STK32B: variants seen among roughly 807,000 people sequenced by gnomAD.
The protein encoded by STK32B is serine/threonine kinase 32B, also known as serine/threonine-protein kinase 32B.
Under a neutral mutation model 52.6 loss-of-function variants are expected in STK32B, and 43 were observed. The ratio of observed to expected loss-of-function variants is 0.82; its 90% CI spans 0.64 to 1.05. The LOEUF (loss-of-function observed/expected upper bound fraction) is 1.05. Among genes scored for constraint, STK32B ranks in the 50% least tolerant of loss-of-function variants. STK32B has a pLI of 0.00. For synonymous variants in STK32B, 238 were observed against 204.3 expected, an observed-to-expected ratio of 1.17 and a Z score of -1.41; for missense variants, 621 against 534.6, an observed-to-expected ratio of 1.16 and a Z score of -1.59.
intron 3 of STK32B, among the ~76,000 whole-genome samples, chr4:5,221,239 T>G (rs1379297654): frequency 6.6e-6 from 1 of 152,186 alleles, no homozygotes; most frequent in Admixed American, 6.5e-5. Flanking sequence ...ATAGGTGGCA[T>G]CTCTACCTTC....
At chr4:5,364,559 G>A (rs1035878367) in intron 4 of STK32B, among the ~76,000 whole-genome samples, 2 of 152,074 alleles carry the variant, frequency 1.3e-5, no homozygotes, top group Non-Finnish European at 2.9e-5. Flanking sequence ...TTTTTGAGTC[G>A]CACAACTAGC....
intron 4 of STK32B, among the ~76,000 whole-genome samples, chr4:5,334,641 G>A (rs867307928): frequency 1.8e-3 from 276 of 151,674 alleles, no homozygotes; most frequent in African/African-American, 6.1e-3. Flanking sequence ...ATTATTTTGA[G>A]ATATGTCCCA....
At chr4:5,187,087 C>T (rs1024370831) in intron 3 of STK32B, among the ~76,000 whole-genome samples, 1 of 152,178 alleles carries the variant, frequency 6.6e-6, no homozygotes, top group Non-Finnish European at 1.5e-5. Context: ...TGTGGTGTGT[C>T]AGGCAGTTCC....
intron 11 of STK32B, among the ~76,000 whole-genome samples, chr4:5,471,569 C>T (rs1341998086): frequency 6.6e-6 from 1 of 152,110 alleles, no homozygotes; most frequent in East Asian, 1.9e-4. Flanking sequence ...TTGTTTAAAG[C>T]CACCCAGTTG....
At chr4:5,219,316 G>A (rs1355401700) in intron 3 of STK32B, among the ~76,000 whole-genome samples, 2 of 152,192 alleles carry the variant, frequency 1.3e-5, no homozygotes, top group African/African-American at 2.4e-5. Flanking sequence ...TGTGGAATTG[G>A]GACCTTCCAA....
chr4:5,369,927 G>T (rs1735119967), intron 4 of STK32B, among the ~76,000 whole-genome samples: 1 of 151,982 alleles, frequency 6.6e-6, no homozygotes, highest in Admixed American at 6.6e-5. Context: ...CCAGGCTGGA[G>T]TGCAGTGGCA....
intron 3 of STK32B, among the ~76,000 whole-genome samples, chr4:5,177,499 C>A (rs905146997): frequency 6.6e-6 from 1 of 152,134 alleles, no homozygotes; most frequent in Admixed American, 6.5e-5. Context: ...CCTCCCAGAT[C>A]TCATGTCCTC....
At chr4:5,032,499 A>AAAG in the STK32B span, among the ~76,000 whole-genome samples, 85 of 150,024 alleles carry the variant, frequency 5.7e-4, no homozygotes, top group African/African-American at 1.8e-3. Flanking sequence ...AAAAAAAAAA[A>AAAG]AAGAAGAAAG....
intron 11 of STK32B, among the ~76,000 whole-genome samples, chr4:5,491,036 G>A (rs1208915405): frequency 2.6e-5 from 4 of 152,302 alleles, no homozygotes; most frequent in South Asian, 4.1e-4. Context: ...ATAAACAGAC[G>A]TGTGCATGTG....
chr4:5,248,204 A>C (rs895946729), intron 3 of STK32B, among the ~76,000 whole-genome samples: 1 of 152,198 alleles, frequency 6.6e-6, no homozygotes, highest in Middle Eastern at 3.2e-3. Flanking sequence ...TCAGTATAAC[A>C]CAGTTGTGAG....
At chr4:5,492,540 C>G (rs1286568568) in intron 11 of STK32B, among the ~76,000 whole-genome samples, 1 of 151,658 alleles carries the variant, frequency 6.6e-6, no homozygotes, top group Non-Finnish European at 1.5e-5. Context: ...ATTTGACTTC[C>G]TCTTTTCCTA....
chr4:5,085,653 C>T (rs897167397), intron 1 of STK32B, among the ~76,000 whole-genome samples: 2 of 152,128 alleles, frequency 1.3e-5, no homozygotes, highest in Non-Finnish European at 2.9e-5. Flanking sequence ...TTCATAAAAG[C>T]AATAAAAAAG....
At chr4:5,319,200 C>T (rs370567305) in intron 3 of STK32B, among the ~76,000 whole-genome samples, 15 of 152,154 alleles carry the variant, frequency 9.9e-5, no homozygotes, top group African/African-American at 2.2e-4. Context: ...AACACCAGGA[C>T]GTAAACACCA....
intron 4 of STK32B, among the ~76,000 whole-genome samples, chr4:5,361,573 C>T (rs1026179978): frequency 2.6e-5 from 4 of 152,154 alleles, no homozygotes; most frequent in African/African-American, 9.7e-5. Context: ...CTATGTTGCC[C>T]AGGCTGGTCT....
At chr4:5,113,437 A>C (rs1217375176) in intron 1 of STK32B, among the ~76,000 whole-genome samples, 1 of 152,182 alleles carries the variant, frequency 6.6e-6, no homozygotes, top group Non-Finnish European at 1.5e-5. Context: ...TGAATGCAGC[A>C]CACAAAGCTT....
At chr4:5,072,777 T>C (rs965576619) in intron 1 of STK32B, among the ~76,000 whole-genome samples, 5 of 152,198 alleles carry the variant, frequency 3.3e-5, no homozygotes, top group African/African-American at 9.6e-5. Flanking sequence ...TGGAGTTTTG[T>C]TGCTTTTTAA....
At chr4:5,267,311 T>A (rs1316901898) in intron 3 of STK32B, among the ~76,000 whole-genome samples, 2 of 152,196 alleles carry the variant, frequency 1.3e-5, no homozygotes, top group Non-Finnish European at 2.9e-5. Flanking sequence ...TTTATATTTT[T>A]AAAATTGAAT....
chr4:5,331,646 C>A (rs1732258985), intron 4 of STK32B, among the ~76,000 whole-genome samples: 1 of 152,152 alleles, frequency 6.6e-6, no homozygotes, highest in Non-Finnish European at 1.5e-5. Context: ...TTCTCTGCTC[C>A]AGTATGCCTA....
chr4:5,493,762 G>T (rs1719950455), intron 11 of STK32B, among the ~76,000 whole-genome samples: 1 of 152,194 alleles, frequency 6.6e-6, no homozygotes, highest in Non-Finnish European at 1.5e-5. Flanking sequence ...GTGTCCCAGA[G>T]ATTCTGGTAT....
Sources: gnomAD v4.1 joint callset for allele counts (sites outside exome capture counted in the v4.1 genomes callset) on GRCh38, gnomAD v4.1.1 for gene constraint, MANE v1.5 for transcripts, NCBI Gene and HGNC (gene_info 2026-07-23, HGNC 2026-07-21) for gene names.